ZMYM5: variants seen among roughly 807,000 people sequenced by gnomAD.
The protein encoded by ZMYM5 is zinc finger MYM-type containing 5, also known as zinc finger MYM-type protein 5.
In ZMYM5, 41 loss-of-function variants were observed where a neutral mutation model predicts 61.8. The ratio of observed to expected loss-of-function variants is 0.66; its 90% CI spans 0.52 to 0.86. ZMYM5 has a LOEUF of 0.86. Among genes scored for constraint, ZMYM5 ranks in the 40% least tolerant of loss-of-function variants. The pLI is 0.00. For missense variants in ZMYM5, 706 were observed against 786.7 expected (o/e 0.90, Z 1.23); for synonymous variants, 257 against 276.4 (o/e 0.93, Z 0.70).
intron 4 of ZMYM5, among the ~76,000 whole-genome samples, chr13:19,849,287 AT>A (rs1016256951): frequency 6.6e-6 from 1 of 151,170 alleles, no homozygotes; most frequent in Admixed American, 6.6e-5. Flanking sequence ...CGCCTGGCTA[AT>A]TTTTTTTTAC....
chr13:19,829,334 C>A (rs192462964), intron 7 of ZMYM5, among the ~76,000 whole-genome samples: 1 of 151,942 alleles, frequency 6.6e-6, no homozygotes, highest in Admixed American at 6.6e-5. Context: ...TCATTCAGGC[C>A]GGAGTGCAGT....
chr13:19,852,752 T>C (rs766003160), intron 2 of ZMYM5, among the ~76,000 whole-genome samples: 13 of 152,210 alleles, frequency 8.5e-5, no homozygotes, highest in Non-Finnish European at 1.6e-4. Context: ...TGATAGTAGC[T>C]ATAATTTACT....
At position 19,852,067 on chromosome 13, in the gene ZMYM5, T is replaced by C; in HGVS notation, c.114A>G (p.Pro38=). 3 of 1,613,976 alleles carry C rather than the reference T, an allele frequency of 1.9e-6. No homozygotes were observed. The highest frequency in any genetic ancestry group is 2.5e-6 in the Non-Finnish European group (3 of 1,180,014). Reference sequence around the variant, plus strand: ...TAGATCTACTGACTAAAGGACAAGCTGGATGACCAAATGAATCCCCTATGT... The same window carrying C: ...TAGATCTACTGACTAAAGGACAAGCCGGATGACCAAATGAATCCCCTATGT... ...LMDIGDSFGH[P]ACPLVSRSRN... Residue 38 remains proline (P), a synonymous_variant, in exon 3 of 8, where the codon CCA becomes CCG. Coordinates refer to ENST00000337963, the MANE Select transcript of ZMYM5 (RefSeq NM_001142684.2).
intron 4 of ZMYM5, among the ~76,000 whole-genome samples, chr13:19,849,316 T>C (rs1409899968): frequency 4.6e-5 from 7 of 151,686 alleles, no homozygotes; most frequent in Non-Finnish European, 4.4e-5. Context: ...AGAGATGAGG[T>C]CTTCGCTACG....
In ZMYM5 at chr13:19,851,790, C is replaced by G. The variant is rs747336696; in HGVS notation, c.391G>C (p.Ala131Pro). Residue 131 changes from alanine to proline, a missense_variant, in exon 3 of 8, where the codon GCA (alanine) becomes CCA (proline). Physicochemically the swap from Ala to Pro is conservative, Grantham distance 27 (BLOSUM62 -1). Around this residue, in one of 2 missense-constraint regions of ZMYM5, gnomAD observed 480 missense variants for 461.7 expected, o/e 1.04. Transcript: ENST00000337963. The stretch of plus-strand genomic sequence containing the variant: ...ATAAAACAGGAAGACTTTTTCTCTG[C>G]TCCTCCATTTGTTTCTATGTCCTCT... ...DEEDIETNGG[A>P]EKKSSCFIEW... 6.2e-7 allele frequency: 1 copy of G among 1,610,472 alleles called. No individual in the cohort carries two copies. The highest frequency in any genetic ancestry group is 1.1e-5 in the South Asian group (1 of 89,806).
chr13:19,824,814 T>C lies in ZMYM5; in HGVS notation c.1673A>G (p.Lys558Arg), dbSNP rs1228083187. 4.4e-6 allele frequency: 6 copies of C among 1,352,058 alleles called. No individual in the cohort carries two copies. The South Asian group carries it at 5.8e-5, about 13-fold the overall frequency. 83.8% of individuals were successfully genotyped at this position (1,352,058 alleles called of 1,614,324 possible). ...FNFPKDNTGRKFSETYYTRIL... is the reference protein window; with the variant it reads ...FNFPKDNTGRRFSETYYTRIL... ...CCGTGTATAATAAGTTTCTGAAAAC[T>C]TCCTCCCTGTATTATCTTTTGGAAA... Residue 558 changes from lysine (K) to arginine (R), a missense_variant, in exon 8 of 8, where the codon AAG becomes AGG. By Grantham distance (26) the Lys-to-Arg change is conservative (BLOSUM62 2). Transcript: ENST00000337963.
rs539429100 is a variant in ZMYM5 at position 19,842,519 on chromosome 13, A to G, written c.587-3534T>C. On this transcript the variant is annotated intron_variant, in intron 4 of 7. Coordinates refer to ENST00000337963, the MANE Select transcript of ZMYM5 (RefSeq NM_001142684.2). ...ATTTGTTGTACTAATGCTGACAGCA[A>G]GTAAAAAGAAAATTTAAGGTTAATA... Among the ~76,000 whole-genome samples the G allele has an allele frequency of 6.0e-4, 92 of 152,282 alleles. 2 individuals are homozygous for G. Among genetic ancestry groups the G allele is most frequent in the Admixed American group, 5.8e-3 (89 of 15,288 alleles).
At chr13:19,859,250 C>T (rs370744707) in intron 2 of ZMYM5, among the ~76,000 whole-genome samples, 18 of 152,098 alleles carry the variant, frequency 1.2e-4, no homozygotes, top group African/African-American at 4.1e-4. Context: ...CTCTTCCCTG[C>T]GGAACTAAGA....
At chr13:19,845,183 TATA>T (rs1953033294) in intron 4 of ZMYM5, among the ~76,000 whole-genome samples, 1 of 152,186 alleles carries the variant, frequency 6.6e-6, no homozygotes, top group Non-Finnish European at 1.5e-5. Flanking sequence ...GATCTAATAA[TATA>T]ATGATATGTC....
intron 4 of ZMYM5, among the ~76,000 whole-genome samples, chr13:19,841,019 GTC>G (rs1337779305): frequency 7.2e-6 from 1 of 137,954 alleles, no homozygotes; most frequent in Non-Finnish European, 1.5e-5. Context: ...TTGAGACAGA[GTC>G]TTGCACTGGC....
chr13:19,851,500 TGACTGAA>T (rs1285166966), intron 3 of ZMYM5, 52 bp from the exon 4 acceptor site: 1 of 1,595,356 alleles, frequency 6.3e-7, no homozygotes. Flanking sequence ...CAAAATTACT[TGACTGAA>T]GTCCTTTAGC....
intron 2 of ZMYM5, among the ~76,000 whole-genome samples, chr13:19,860,562 C>G (rs999132981): frequency 6.6e-6 from 1 of 151,604 alleles, no homozygotes; most frequent in Non-Finnish European, 1.5e-5. Context: ...CTTGGCCTCC[C>G]AAAGTACTGA....
chr13:19,851,549 G>GT (rs1281710417), intron 3 of ZMYM5, 101 bp from the exon 4 acceptor site: 4 of 1,545,800 alleles, frequency 2.6e-6, no homozygotes, highest in Non-Finnish European at 3.5e-6. Context: ...CTATAGTGAT[G>GT]TTTTATATGT....
At chr13:19,826,280 AG>A (rs1471352154) in intron 7 of ZMYM5, among the ~76,000 whole-genome samples, 1 of 151,276 alleles carries the variant, frequency 6.6e-6, no homozygotes, top group African/African-American at 2.4e-5. Context: ...TGAACCTGGG[AG>A]GCGGAGGTTG....
intron 4 of ZMYM5, among the ~76,000 whole-genome samples, chr13:19,844,933 T>C (rs968951274): frequency 4.6e-5 from 7 of 152,228 alleles, no homozygotes; most frequent in Non-Finnish European, 7.3e-5. Flanking sequence ...GAAACTCTTA[T>C]GCTGCAAGAA....
intron 2 of ZMYM5, among the ~76,000 whole-genome samples, chr13:19,859,470 T>C (rs1364475377): frequency 1.3e-5 from 2 of 152,096 alleles, no homozygotes; most frequent in Middle Eastern, 6.3e-3. Context: ...TGGCGCGATC[T>C]TGGCTCACTG....
chr13:19,826,763 A>C (rs1890938634), intron 7 of ZMYM5, among the ~76,000 whole-genome samples: 1 of 152,032 alleles, frequency 6.6e-6, no homozygotes, highest in African/African-American at 2.4e-5. Context: ...TCGTTAAAAA[A>C]AAAAAAAAAA....
At chr13:19,845,958 G>A (rs1337262813) in intron 4 of ZMYM5, among the ~76,000 whole-genome samples, 1 of 152,142 alleles carries the variant, frequency 6.6e-6, no homozygotes, top group African/African-American at 2.4e-5. Context: ...ACTTTGGGCT[G>A]GCTCAAAGAC....
At chr13:19,835,777 G>T in intron 6 of ZMYM5, 88 bp from the exon 7 acceptor site, 1 of 975,256 alleles carries the variant, frequency 1.0e-6, no homozygotes, top group Non-Finnish European at 1.4e-6. Flanking sequence ...TGCAATAGAA[G>T]CAAAGAATCC....
Sources: gnomAD v4.1 joint callset for allele counts (sites outside exome capture counted in the v4.1 genomes callset) on GRCh38, gnomAD v4.1.1 for gene constraint, gnomAD v4.1.1 regional missense constraint, MANE v1.5 for transcripts, NCBI Gene and HGNC (gene_info 2026-07-23, HGNC 2026-07-21) for gene names.